Variants in RASGEF1A observed in about 807,000 individuals in gnomAD.
RASGEF1A encodes ras-GEF domain-containing family member 1A.
In RASGEF1A, 18 loss-of-function variants were observed where a neutral mutation model predicts 56.4. The observed-to-expected ratio is 0.32, with a 90% CI of 0.22 to 0.47. The LOEUF is 0.47. Ranked by LOEUF, RASGEF1A falls within the 20% of genes least tolerant of loss-of-function variation. The pLI is 1.00. For missense variants in RASGEF1A, 422 were observed against 627.1 expected (o/e 0.67, Z 3.49); for synonymous variants, 245 against 242.6 (o/e 1.01, Z -0.09).
At chr10:43,208,756 G>T in intron 1 of RASGEF1A, 1 of 985,552 alleles carries the variant, frequency 1.0e-6, no homozygotes, top group Non-Finnish European at 1.2e-6. Flanking sequence ...CCCTACCCCC[G>T]AAAGCTCAAA....
chr10:43,243,446 C>A lies in RASGEF1A; in HGVS notation c.-7+23399G>T, dbSNP rs532361943. ...AGTGAGGGGCGTCTCTGCCCGGCCACCCCGCCTGGGAAGTGAGGGGCGTCT... is the reference window on the plus strand; with the variant it reads ...AGTGAGGGGCGTCTCTGCCCGGCCAACCCGCCTGGGAAGTGAGGGGCGTCT... On this transcript the variant is annotated intron_variant, in intron 1 of 12. Coordinates refer to ENST00000395810, the MANE Select transcript of RASGEF1A (RefSeq NM_145313.4). Among the ~76,000 whole-genome samples the A allele has an allele frequency of 4.0e-5, 6 of 150,138 alleles. No homozygotes were observed. The South Asian group carries it at 1.1e-3, about 26-fold the overall frequency.
rs116921270 is a variant in RASGEF1A at position 43,229,193 on chromosome 10, C to T, written c.-6-23071G>A. Among the ~76,000 whole-genome samples the T allele has an allele frequency of 3.9e-4, 60 of 152,338 alleles. 1 individual carries two copies. In the East Asian group the frequency reaches 0.011, roughly 29 times the overall value. On this transcript the variant is annotated intron_variant, in intron 1 of 12. Coordinates refer to ENST00000395810, the MANE Select transcript of RASGEF1A (RefSeq NM_145313.4). ...GCGTGGGGCTCACAAGGCACAGGCA[C>T]GGCTGCGCTCCCTCCCATGTGCCGT...
intron 1 of RASGEF1A, among the ~76,000 whole-genome samples, chr10:43,211,111 TATAGCA>T (rs1564532102): frequency 1.3e-5 from 2 of 152,156 alleles, no homozygotes; most frequent in Admixed American, 1.3e-4. Context: ...GAAACGTGCT[TATAGCA>T]AAGCAGAGAA....
chr10:43,245,309 A>G (rs923852469), intron 1 of RASGEF1A, among the ~76,000 whole-genome samples: 1 of 152,218 alleles, frequency 6.6e-6, no homozygotes, highest in Non-Finnish European at 1.5e-5. Context: ...TTGCCCACAA[A>G]GAAAAGCCCA....
At chr10:43,211,820 C>A (rs916398601) in intron 1 of RASGEF1A, among the ~76,000 whole-genome samples, 1 of 152,220 alleles carries the variant, frequency 6.6e-6, no homozygotes, top group Non-Finnish European at 1.5e-5. Context: ...CCCACACCCA[C>A]GGGAAGCCTC....
intron 9 of RASGEF1A, 50 bp from the exon 10 acceptor site, chr10:43,198,245 G>A (rs568315334): frequency 1.0e-4 from 149 of 1,487,232 alleles, no homozygotes; most frequent in Non-Finnish European, 1.2e-4. Flanking sequence ...ATGCCCCTCC[G>A]ACCTGCTCCA....
intron 1 of RASGEF1A, among the ~76,000 whole-genome samples, chr10:43,224,304 G>GT (rs1236592848): frequency 3.9e-5 from 6 of 152,128 alleles, no homozygotes; most frequent in Non-Finnish European, 8.8e-5. Context: ...ATGTCTCCTA[G>GT]TAGAAAAGTA....
chr10:43,210,233 A>G (rs764685015), intron 1 of RASGEF1A, among the ~76,000 whole-genome samples: 5 of 152,050 alleles, frequency 3.3e-5, no homozygotes, highest in Admixed American at 6.5e-5. Flanking sequence ...GCACTTTGAG[A>G]GGCCGAGGTG....
At chr10:43,230,695 G>C (rs1303458648) in intron 1 of RASGEF1A, among the ~76,000 whole-genome samples, 3 of 152,146 alleles carry the variant, frequency 2.0e-5, no homozygotes, top group Non-Finnish European at 4.4e-5. Flanking sequence ...ATGGACAATC[G>C]TGACCCTGAC....
chr10:43,258,173 C>A (rs1427295277), intron 1 of RASGEF1A, among the ~76,000 whole-genome samples: 1 of 152,222 alleles, frequency 6.6e-6, no homozygotes, highest in Non-Finnish European at 1.5e-5. Flanking sequence ...GAACCCTGCG[C>A]CAGTCAACTC....
intron 2 of RASGEF1A, among the ~76,000 whole-genome samples, chr10:43,205,672 C>T (rs1362596651): frequency 2.0e-5 from 3 of 152,142 alleles, no homozygotes; most frequent in South Asian, 4.1e-4. Flanking sequence ...CTAGGATCAT[C>T]TCCTCCTACC....
intron 1 of RASGEF1A, among the ~76,000 whole-genome samples, chr10:43,258,885 C>T (rs1312776213): frequency 6.6e-6 from 1 of 152,254 alleles, no homozygotes; most frequent in Non-Finnish European, 1.5e-5. Flanking sequence ...GGAAGGACAG[C>T]TGGGGGCCAG....
At chr10:43,218,307 G>C (rs555613856) in intron 1 of RASGEF1A, among the ~76,000 whole-genome samples, 3 of 152,364 alleles carry the variant, frequency 2.0e-5, no homozygotes, top group Admixed American at 6.5e-5. Flanking sequence ...ACCTGCTGCA[G>C]ACAGCAACAA....
intron 1 of RASGEF1A, among the ~76,000 whole-genome samples, chr10:43,264,193 C>A (rs1230602127): frequency 6.6e-6 from 1 of 151,822 alleles, no homozygotes; most frequent in Admixed American, 6.6e-5. Flanking sequence ...GGTGTCCCAG[C>A]GCGCAGGGAC....
rs772367967 is a variant in RASGEF1A, at chr10:43,198,042, G to A, written c.1186C>T (p.His396Tyr). 1.2e-6 allele frequency: 2 copies of A among 1,613,778 alleles called. No individual in the cohort carries two copies. The highest frequency in any genetic ancestry group is 1.7e-6 in the Non-Finnish European group (2 of 1,179,706). The change falls in exon 10 of 13, where the codon CAT (histidine) becomes TAT (tyrosine). Residue 396 changes from histidine to tyrosine, a missense_variant. Around this residue, in one of 2 missense-constraint regions of RASGEF1A, gnomAD observed 149 missense variants for 287.2 expected, o/e 0.52. Coordinates refer to ENST00000395810, the MANE Select transcript of RASGEF1A (RefSeq NM_145313.4). ...TGCCCGTTGGGCAGGTGGTTGGTATGGATTTTGTGCAGGAAGTAGATGTCC... is the reference window on the plus strand; with the variant it reads ...TGCCCGTTGGGCAGGTGGTTGGTATAGATTTTGTGCAGGAAGTAGATGTCC... The part of the protein sequence containing the change: ...VKDIYFLHKI[H>Y]TNHLPNGHIN...
intron 1 of RASGEF1A, among the ~76,000 whole-genome samples, chr10:43,213,019 T>C (rs1400453317): frequency 6.6e-6 from 1 of 152,176 alleles, no homozygotes; most frequent in Non-Finnish European, 1.5e-5. Flanking sequence ...CGCTGCATGT[T>C]CCCACTCAGG....
At chr10:43,201,236 G>C (rs1839893086) in intron 4 of RASGEF1A, among the ~76,000 whole-genome samples, 1 of 152,194 alleles carries the variant, frequency 6.6e-6, no homozygotes, top group African/African-American at 2.4e-5. Flanking sequence ...TTTAAGGCAT[G>C]GGAAAGGCTT....
intron 1 of RASGEF1A, among the ~76,000 whole-genome samples, chr10:43,229,426 C>T (rs1840329738): frequency 6.6e-6 from 1 of 152,222 alleles, no homozygotes; most frequent in Admixed American, 6.5e-5. Flanking sequence ...GGCCGCGCCG[C>T]GAAGGGCAGG....
chr10:43,201,738 C>T, intron 4 of RASGEF1A, 70 bp downstream of exon 4: 3 of 1,427,604 alleles, frequency 2.1e-6, no homozygotes, highest in Non-Finnish European at 9.3e-7. Flanking sequence ...GTCCCCGAAG[C>T]CCCCACCCTC....
Sources: gnomAD v4.1 joint callset for allele counts (sites outside exome capture counted in the v4.1 genomes callset) on GRCh38, gnomAD v4.1.1 for gene constraint, gnomAD v4.1.1 regional missense constraint, MANE v1.5 for transcripts, NCBI Gene and HGNC (gene_info 2026-07-23, HGNC 2026-07-21) for gene names.